MACF1: variants seen among roughly 807,000 people sequenced by gnomAD.
MACF1 encodes the protein microtubule actin crosslinking factor 1.
In MACF1, 193 loss-of-function variants were observed where a neutral mutation model predicts 854.8. The ratio of observed to expected loss-of-function variants is 0.23; its 90% CI spans 0.20 to 0.25. The LOEUF (loss-of-function observed/expected upper bound fraction) is 0.25. Among genes scored for constraint, MACF1 ranks in the 10% least tolerant of loss-of-function variants. The pLI is 1.00. For missense variants in MACF1, 7,722 were observed against 8,929.1 expected (o/e 0.86, Z 5.45); for synonymous variants, 3,185 against 3,226.7 (o/e 0.99, Z 0.44).
intron 2 of MACF1, among the ~76,000 whole-genome samples, chr1:39,249,230 T>G (rs1354790605): frequency 6.6e-6 from 1 of 152,194 alleles, no homozygotes; most frequent in Non-Finnish European, 1.5e-5. Context: ...TAGAATGAGA[T>G]GATGGCTGAT....
chr1:39,454,414 A>G (rs1361335485), intron 88 of MACF1, among the ~76,000 whole-genome samples: 1 of 152,176 alleles, frequency 6.6e-6, no homozygotes, highest in East Asian at 1.9e-4. Context: ...ATTTTCTTTC[A>G]GGAGGGCTGA....
Position 39,380,359 on chromosome 1 carries a change from T to C in MACF1, c.13634T>C (p.Ile4545Thr). The change falls in exon 55 of 101, where the codon ATT becomes ACT. Residue 4545 changes from isoleucine to threonine, a missense_variant. Coordinates refer to ENST00000564288, the MANE Select transcript of MACF1 (RefSeq NM_001394062.1). ...CAGGAAGCAGAAAATTGGAAGAAAATTCAGGAAGAACTCAGTAAGTTTTCA... is the reference window on the plus strand; with the variant it reads ...CAGGAAGCAGAAAATTGGAAGAAAACTCAGGAAGAACTCAGTAAGTTTTCA... ...NSQEAENWKK[I>T]QEELNSRWER... 2 of 1,613,102 alleles carry C rather than the reference T, an allele frequency of 1.2e-6. No homozygotes were observed. The highest frequency in any genetic ancestry group is 2.2e-5 in the South Asian group (2 of 90,890).
rs535851756 is a variant in MACF1 at position 39,089,923 on chromosome 1, C to G, written c.220+5485C>G. ...AAACACAGGTTCACATGGCCCGTTACTGCACTTAACAGTGTCATTCCTTGT... is the reference window on the plus strand; with the variant it reads ...AAACACAGGTTCACATGGCCCGTTAGTGCACTTAACAGTGTCATTCCTTGT... On this transcript the variant is annotated intron_variant, in intron 2 of 93. Coordinates refer to the MACF1 transcript ENST00000361689. Among the ~76,000 whole-genome samples, 4 of 152,340 alleles carry G rather than the reference C, an allele frequency of 2.6e-5. No homozygotes were observed. In the East Asian group the frequency reaches 5.8e-4, roughly 22 times the overall value.
chr1:39,164,604 T>A (rs1643865767), intron 2 of MACF1, among the ~76,000 whole-genome samples: 1 of 152,218 alleles, frequency 6.6e-6, no homozygotes, highest in South Asian at 2.1e-4. Flanking sequence ...CTTCCAACCC[T>A]AGTACCCTTT....
chr1:39,333,744 G>A lies in MACF1; in HGVS notation c.7156G>A (p.Asp2386Asn). The change falls in exon 37 of 101, where the codon GAT (aspartate) becomes AAT (asparagine). Residue 2386 changes from aspartate (D) to asparagine (N), a missense_variant. Asp to Asn is a conservative substitution (Grantham distance 23). Transcript: ENST00000564288. ...PRTQTLCSVK[D>N]AVTVGLLDKE... ...TACCCAGACACTGTGCTCTGTAAAGGATGCAGTTACAGTTGGACTTCTTGA... is the reference window on the plus strand; with the variant it reads ...TACCCAGACACTGTGCTCTGTAAAGAATGCAGTTACAGTTGGACTTCTTGA... 2 of 1,614,170 alleles carry A rather than the reference G, an allele frequency of 1.2e-6. No homozygotes were observed. Among genetic ancestry groups the A allele is most frequent in the African/African-American group, 1.3e-5 (1 of 75,040 alleles).
chr1:39,442,859 T>G lies in MACF1; in HGVS notation c.19250T>G (p.Val6417Gly). The part of the protein sequence containing the change: ...LEAMNQCWES[V>G]LQKTEEREQQ... ...GCCATGAACCAATGCTGGGAGTCAGTGTTACAGAAAACAGAGGAGAGGGAG... is the reference window on the plus strand; with the variant it reads ...GCCATGAACCAATGCTGGGAGTCAGGGTTACAGAAAACAGAGGAGAGGGAG... The change falls in exon 78 of 101, where the codon GTG becomes GGG. Residue 6417 changes from valine (V) to glycine (G), a missense_variant. Val to Gly is a moderately radical substitution (Grantham distance 109). Transcript: ENST00000564288. The G allele has an allele frequency of 1.2e-6, 2 of 1,613,982 alleles. No individual in the cohort carries two copies. The highest frequency in any genetic ancestry group is 8.5e-7 in the Non-Finnish European group (1 of 1,179,914).
At chr1:39,435,454 T>C in intron 69 of MACF1, 104 bp from the exon 70 acceptor site, 1 of 947,104 alleles carries the variant, frequency 1.1e-6, no homozygotes, top group Non-Finnish European at 1.6e-6. Flanking sequence ...TTTTTAACAA[T>C]TTTGTTTGTT....
At chr1:39,133,717 G>C (rs1426702054) in intron 2 of MACF1, among the ~76,000 whole-genome samples, 1 of 152,146 alleles carries the variant, frequency 6.6e-6, no homozygotes, top group Non-Finnish European at 1.5e-5. Context: ...AGTTTTGTGT[G>C]ATGAGAATAT....
intron 6 of MACF1, among the ~76,000 whole-genome samples, chr1:39,277,558 G>A (rs984144554): frequency 1.7e-4 from 26 of 152,158 alleles, no homozygotes; most frequent in African/African-American, 6.3e-4. Flanking sequence ...AAATATTTGG[G>A]ATAATCATAT....
At chr1:39,170,779 G>A (rs1643937953) in intron 2 of MACF1, among the ~76,000 whole-genome samples, 1 of 152,206 alleles carries the variant, frequency 6.6e-6, no homozygotes, top group African/African-American at 2.4e-5. Context: ...GAAAAGCAAA[G>A]CACCTAATAT....
chr1:39,314,160 G>A (rs577384995), intron 26 of MACF1, among the ~76,000 whole-genome samples: 144 of 152,302 alleles, frequency 9.5e-4, no homozygotes, highest in Non-Finnish European at 1.7e-3. Flanking sequence ...TATAATCCCA[G>A]CACTTTGGGA....
intron 38 of MACF1, among the ~76,000 whole-genome samples, chr1:39,337,695 T>C (rs1646840202): frequency 6.7e-6 from 1 of 149,518 alleles, no homozygotes; most frequent in African/African-American, 2.4e-5. Context: ...GCCTCCCGAA[T>C]AGCTGCGACT....
At chr1:39,163,477 C>T (rs1209589995) in intron 2 of MACF1, among the ~76,000 whole-genome samples, 1 of 151,880 alleles carries the variant, frequency 6.6e-6, no homozygotes, top group Non-Finnish European at 1.5e-5. Context: ...TGAAAATGCA[C>T]TACTATTGAA....
intron 2 of MACF1, among the ~76,000 whole-genome samples, chr1:39,095,907 G>A (rs991666260): frequency 2.6e-5 from 4 of 151,368 alleles, no homozygotes; most frequent in Non-Finnish European, 5.9e-5. Context: ...AATGGCTCAT[G>A]CCTGTAATCC....
chr1:39,290,843 A>G (rs1557567027), intron 15 of MACF1, among the ~76,000 whole-genome samples: 10 of 140,860 alleles, frequency 7.1e-5, no homozygotes. Flanking sequence ...AATTTTTTGT[A>G]TTTTTTTTTT....
intron 2 of MACF1, among the ~76,000 whole-genome samples, chr1:39,238,311 T>C (rs1448857647): frequency 1.3e-5 from 2 of 152,036 alleles, no homozygotes; most frequent in Non-Finnish European, 2.9e-5. Flanking sequence ...GGGGTTGTCT[T>C]ATCTAAGCTC....
At chr1:39,225,217 C>CTTTTTCTTT (rs1553171334) in intron 1 of MACF1, among the ~76,000 whole-genome samples, 1 of 125,198 alleles carries the variant, frequency 8.0e-6, no homozygotes, top group African/African-American at 3.1e-5. Flanking sequence ...TTTCTTTTTT[C>CTTTTTCTTT]TTTTTTTTTT....
At chr1:39,291,328 G>A (rs1571278820) in intron 15 of MACF1, among the ~76,000 whole-genome samples, 1 of 152,260 alleles carries the variant, frequency 6.6e-6, no homozygotes, top group East Asian at 1.9e-4. Flanking sequence ...GTTCCAAGGG[G>A]CACTATTTAC....
intron 6 of MACF1, among the ~76,000 whole-genome samples, chr1:39,273,333 C>T (rs530399899): frequency 5.9e-5 from 9 of 151,380 alleles, no homozygotes; most frequent in Non-Finnish European, 8.8e-5. Flanking sequence ...CACAACCCTT[C>T]GAGTCTCTAC....
Sources: allele counts gnomAD v4.1 joint callset (sites outside exome capture counted in the v4.1 genomes callset), GRCh38; gene constraint gnomAD v4.1.1; transcripts MANE v1.5; gene names NCBI Gene and HGNC (gene_info 2026-07-23, HGNC 2026-07-21).